Variants in DLG1 observed in about 807,000 individuals in gnomAD.
DLG1 encodes disks large homolog 1.
A neutral mutation model predicts 123.4 loss-of-function variants in DLG1; 42 were observed. That is an observed-to-expected ratio of 0.34 (90% confidence interval 0.27 to 0.44). The LOEUF is 0.44. DLG1 is among the 20% of genes least tolerant of loss of function. DLG1 has a pLI of 1.00. For missense variants in DLG1, 942 were observed against 1,082.6 expected, an observed-to-expected ratio of 0.87 and a Z score of 1.82; for synonymous variants, 317 against 356.2, an observed-to-expected ratio of 0.89 and a Z score of 1.24.
intron 3 of DLG1, among the ~76,000 whole-genome samples, chr3:197,284,820 T>A (rs1276300425): frequency 6.6e-6 from 1 of 152,190 alleles, no homozygotes. Context: ...GTCAATCTTA[T>A]CACAGTCTAT....
chr3:197,178,139 C>A (rs1447553892), intron 5 of DLG1, among the ~76,000 whole-genome samples: 1 of 152,064 alleles, frequency 6.6e-6, no homozygotes, highest in African/African-American at 2.4e-5. Context: ...GGTAAGAAGA[C>A]AGAGTAATGT....
chr3:197,194,098 ACT>A (rs1225573102), intron 5 of DLG1, among the ~76,000 whole-genome samples: 1 of 152,174 alleles, frequency 6.6e-6, no homozygotes, highest in African/African-American at 2.4e-5. Context: ...CTGGAAATGC[ACT>A]GTTTCTATAC....
rs527829647 is a variant in DLG1 at position 197,194,534 on chromosome 3, A to G, written c.374T>C (p.Ile125Thr). ...TTCTGGACCTATCACTTCATTTGTG[A>G]TTTGTGGGGAAATATGCTCTTGAGG... The part of the protein sequence containing the change: ...TPPQEHISPQ[I>T]TNEVIGPELV... Residue 125 changes from isoleucine to threonine, a missense_variant, in exon 5 of 25, where the codon ATC becomes ACC. Ile to Thr is a moderately conservative substitution (Grantham distance 89). Coordinates refer to ENST00000667157, the MANE Select transcript of DLG1 (RefSeq NM_001366207.1). 37 of 1,606,252 alleles carry G rather than the reference A, an allele frequency of 2.3e-5. No individual in the cohort carries two copies. The East Asian group carries it at 4.5e-4, about 20-fold the overall frequency.
rs1464752776 is a variant in DLG1, at chr3:197,246,514, C to T, written c.318+36165G>A. Reference sequence around the variant, plus strand: ...AAGGGGTGTGCTCACCATCAAGTTTCCCCCAAAGGTTAGCTTCCTGCTTTC... The same window carrying T: ...AAGGGGTGTGCTCACCATCAAGTTTTCCCCAAAGGTTAGCTTCCTGCTTTC... On this transcript the variant is annotated intron_variant, in intron 4 of 24. Coordinates refer to ENST00000667157, the MANE Select transcript of DLG1 (RefSeq NM_001366207.1). Among the ~76,000 whole-genome samples the T allele has an allele frequency of 2.0e-5, 3 of 152,084 alleles. 1 individual carries two copies. The highest frequency in any genetic ancestry group is 7.2e-5 in the African/African-American group (3 of 41,396).
chr3:197,088,646 A>G (rs191390080), intron 15 of DLG1, among the ~76,000 whole-genome samples: 78 of 152,348 alleles, frequency 5.1e-4, no homozygotes, highest in Non-Finnish European at 9.7e-4. Flanking sequence ...CAGCACGTTT[A>G]CAGAGGAACT....
At chr3:197,297,589 T>A in intron 1 of DLG1, 1 of 1,024,144 alleles carries the variant, frequency 9.8e-7, no homozygotes, top group Non-Finnish European at 1.2e-6. Context: ...CCTTGGCCCC[T>A]GAGCCAGCAG....
At chr3:197,260,315 A>T (rs775080475) in intron 4 of DLG1, 10 of 422,802 alleles carry the variant, frequency 2.4e-5, no homozygotes, top group African/African-American at 4.1e-5. Flanking sequence ...TATTTTATAC[A>T]TAAAGCAAAA....
chr3:197,162,898 A>G (rs773167735), intron 5 of DLG1, among the ~76,000 whole-genome samples: 5 of 152,224 alleles, frequency 3.3e-5, no homozygotes, highest in Non-Finnish European at 7.3e-5. Context: ...GGGCATTACC[A>G]AGCAAGTGAA....
intron 4 of DLG1, among the ~76,000 whole-genome samples, chr3:197,248,464 C>T (rs1200804136): frequency 6.6e-6 from 1 of 152,122 alleles, no homozygotes; most frequent in Non-Finnish European, 1.5e-5. Context: ...CCCAGATGAG[C>T]CCCCAAATTT....
At chr3:197,298,314 T>G (rs1032678729) in intron 1 of DLG1, 2 of 392,146 alleles carry the variant, frequency 5.1e-6, no homozygotes, top group Admixed American at 8.9e-5. Context: ...TAAGGGAACC[T>G]CTTCGCTTAA....
In DLG1 at chr3:197,273,232, A is replaced by ATT. The variant is rs1207219287; in HGVS notation, c.318+9445_318+9446dup. Among the ~76,000 whole-genome samples the ATT allele has an allele frequency of 2.2e-5, 3 of 138,974 alleles. No individual in the cohort carries two copies. In the South Asian group the frequency reaches 6.4e-4, roughly 30 times the overall value. 91.2% of individuals were successfully genotyped at this position (138,974 alleles called of 152,430 possible). A position where few individuals can be genotyped will look rare whatever the true frequency, so the allele number is the denominator to read the frequency against. On this transcript the variant is annotated intron_variant, in intron 4 of 24. Coordinates refer to ENST00000667157, the MANE Select transcript of DLG1 (RefSeq NM_001366207.1). The stretch of plus-strand genomic sequence containing the variant: ...TGTGTATGTGTGTGTATATATATAT[A>ATT]TTTTTTTCTTTATTTTTATTTTTAT...
In DLG1 at chr3:197,075,290, T is replaced by C. The variant is rs146503287; in HGVS notation, c.2005+1296A>G. On this transcript the variant is annotated intron_variant, in intron 18 of 24. Transcript: ENST00000667157. ...TAAAGGAAAAACAAAATAGTTCTTA[T>C]ACTCTTGTGGTAACTTATAACTTTC... Among the ~76,000 whole-genome samples the C allele has an allele frequency of 7.3e-3, 992 of 135,958 alleles. 3 individuals carry two copies. The highest frequency in any genetic ancestry group is 0.013 in the Middle Eastern group (3 of 240). The allele number at this position is 135,958 out of a possible 152,430, so 89.2% of individuals were successfully genotyped here.
chr3:197,181,562 T>C (rs1437062158), intron 5 of DLG1, among the ~76,000 whole-genome samples: 2 of 152,178 alleles, frequency 1.3e-5, no homozygotes, highest in Non-Finnish European at 2.9e-5. Context: ...GATCCAATTA[T>C]ATCTCAAGTT....
At chr3:197,101,486 C>A (rs569327237) in intron 14 of DLG1, among the ~76,000 whole-genome samples, 7 of 151,876 alleles carry the variant, frequency 4.6e-5, no homozygotes, top group Admixed American at 3.9e-4. Flanking sequence ...CCCGGGTTCA[C>A]GCCATTCTCC....
At chr3:197,094,120 A>G (rs772687433) in intron 14 of DLG1, among the ~76,000 whole-genome samples, 1 of 152,186 alleles carries the variant, frequency 6.6e-6, no homozygotes, top group African/African-American at 2.4e-5. Context: ...CCACCAACAC[A>G]TAAGACAAGG....
chr3:197,184,050 C>T (rs1306558325), intron 5 of DLG1: 10 of 1,284,936 alleles, frequency 7.8e-6, no homozygotes, highest in Non-Finnish European at 8.9e-6. Context: ...ACAAAAAAGA[C>T]GACATAAGGT....
At chr3:197,186,934 T>A in intron 5 of DLG1, among the ~76,000 whole-genome samples, 1 of 152,022 alleles carries the variant, frequency 6.6e-6, no homozygotes, top group Non-Finnish European at 1.5e-5. Context: ...ACTGAAACTC[T>A]AAAGTACAAA....
rs577382519 is a variant in DLG1 at position 197,120,469 on chromosome 3, A to C, written c.1166-939T>G. ...AGACATAAGACACTTGAATTATTCC[A>C]ATCATTACCAAAACACAGAGGAAGC... is the stretch of plus-strand genomic sequence containing the variant. On this transcript the variant is annotated intron_variant, in intron 11 of 24. Coordinates refer to ENST00000667157, the MANE Select transcript of DLG1 (RefSeq NM_001366207.1). 2.6e-5 allele frequency among the ~76,000 whole-genome samples: 4 copies of C among 152,330 alleles called. No individual in the cohort carries two copies. The South Asian group carries it at 6.2e-4, about 24-fold the overall frequency.
At chr3:197,266,028 C>T (rs752637861) in intron 4 of DLG1, among the ~76,000 whole-genome samples, 1 of 152,162 alleles carries the variant, frequency 6.6e-6, no homozygotes, top group Admixed American at 6.5e-5. Context: ...CCAGCCTGGG[C>T]AACGGGGCAA....
Sources: gnomAD v4.1 joint callset for allele counts (sites outside exome capture counted in the v4.1 genomes callset) on GRCh38, gnomAD v4.1.1 for gene constraint, MANE v1.5 for transcripts, NCBI Gene and HGNC (gene_info 2026-07-23, HGNC 2026-07-21) for gene names.